The following ZMYM2 variants were observed in gnomAD, a reference collection of about 807,000 sequenced individuals.
The protein encoded by ZMYM2 is zinc finger MYM-type containing 2.
Under a neutral mutation model 162.8 loss-of-function variants are expected in ZMYM2, and 56 were observed. The observed-to-expected ratio is 0.34, with a 90% confidence interval of 0.28 to 0.43. The LOEUF (loss-of-function observed/expected upper bound fraction) is 0.43, where lower values mean the gene tolerates loss of function less well. ZMYM2 is among the 20% of genes least tolerant of loss of function. The probability of loss-of-function intolerance (pLI) is 1.00; values close to 1 mark genes in which losing one functional copy is unlikely to be tolerated. For synonymous variants in ZMYM2, 510 were observed against 541.6 expected (o/e 0.94, Z 0.81); for missense variants, 1,275 against 1,621.8 (o/e 0.79, Z 3.67).
intron 6 of ZMYM2, among the ~76,000 whole-genome samples, chr13:20,018,388 T>C (rs1392214129): frequency 6.6e-6 from 1 of 152,176 alleles, no homozygotes; most frequent in African/African-American, 2.4e-5. Context: ...GAGACCCAAT[T>C]GGATGTGTTT....
intron 12 of ZMYM2, among the ~76,000 whole-genome samples, 178 bp from the exon 13 acceptor site, chr13:20,051,255 A>ATT (rs1555319992): frequency 5.2e-5 from 7 of 133,804 alleles, no homozygotes; most frequent in African/African-American, 1.7e-4. Flanking sequence ...GTGAAATTGT[A>ATT]TTTTTTTTTT....
intron 2 of ZMYM2, among the ~76,000 whole-genome samples, chr13:19,962,903 C>T (rs1304616506): frequency 6.7e-6 from 1 of 148,762 alleles, no homozygotes; most frequent in Non-Finnish European, 1.5e-5. Flanking sequence ...CTCACTGCAG[C>T]CTCCGCCTCC....
Position 20,034,394 on chromosome 13 carries a change from C to T in ZMYM2, c.2109C>T (p.Phe703=), listed in dbSNP as rs1953488516. The change falls in exon 11 of 25, where the codon TTC becomes TTT. Residue 703 remains phenylalanine, a synonymous_variant. Transcript: ENST00000610343. ...ATTTCTCTGGCGTTAAGAGACCTTT[C>T]TGTAGTGAAGGCAAGTTGCATATAC... ...TVNFSGVKRP[F]CSEGCKLLYK... 6.3e-7 allele frequency: 1 copy of T among 1,589,584 alleles called. No homozygotes were observed. The highest frequency in any genetic ancestry group is 8.5e-7 in the Non-Finnish European group (1 of 1,171,216).
At chr13:20,065,775 C>G (rs1192178047) in intron 19 of ZMYM2, among the ~76,000 whole-genome samples, 1 of 152,148 alleles carries the variant, frequency 6.6e-6, no homozygotes, top group Non-Finnish European at 1.5e-5. Flanking sequence ...GACCTCTCCT[C>G]AAAACAGAAC....
At chr13:20,004,868 T>A (rs982940371) in intron 4 of ZMYM2, among the ~76,000 whole-genome samples, 1 of 152,178 alleles carries the variant, frequency 6.6e-6, no homozygotes, top group Non-Finnish European at 1.5e-5. Flanking sequence ...CGGCAAAGAT[T>A]TAATAGTATA....
intron 6 of ZMYM2, among the ~76,000 whole-genome samples, chr13:20,008,795 A>G (rs1594328743): frequency 6.6e-6 from 1 of 152,170 alleles, no homozygotes; most frequent in Non-Finnish European, 1.5e-5. Context: ...AAAAATGTCC[A>G]GAGGAAAATT....
chr13:20,055,512 G>T (rs1301653044), intron 14 of ZMYM2, among the ~76,000 whole-genome samples: 2 of 152,112 alleles, frequency 1.3e-5, no homozygotes, highest in African/African-American at 4.8e-5. Flanking sequence ...GTTTAGAAGG[G>T]CCAGCAAGTG....
chr13:19,904,395 A>G, the ZMYM2 span, among the ~76,000 whole-genome samples: 1 of 151,588 alleles, frequency 6.6e-6, no homozygotes, highest in Admixed American at 6.6e-5. Flanking sequence ...CGTCTCTACT[A>G]AAAATACAAA....
chr13:19,978,713 C>A (rs184585072), intron 2 of ZMYM2, among the ~76,000 whole-genome samples: 36 of 152,174 alleles, frequency 2.4e-4, no homozygotes, highest in Admixed American at 2.2e-3. Flanking sequence ...CCGTTCCCAG[C>A]CTAAAATTAC....
At chr13:19,868,517 G>A in the ZMYM2 span, among the ~76,000 whole-genome samples, 1 of 152,184 alleles carries the variant, frequency 6.6e-6, no homozygotes, top group African/African-American at 2.4e-5. Flanking sequence ...TTCTTTTAGT[G>A]GGACATAGTA....
intron 6 of ZMYM2, among the ~76,000 whole-genome samples, chr13:20,013,487 G>C (rs1024357635): frequency 6.6e-6 from 1 of 152,140 alleles, no homozygotes; most frequent in African/African-American, 2.4e-5. Context: ...AAATAGATGT[G>C]GTGAAAGTGG....
the ZMYM2 span, among the ~76,000 whole-genome samples, chr13:19,948,918 C>T: frequency 0.87 from 132,902 of 152,206 alleles, 59,067 homozygotes; most frequent in East Asian, 0.99. Flanking sequence ...TCCCCCCCTT[C>T]GTACTTTTCA....
chr13:19,922,228 T>C, the ZMYM2 span, among the ~76,000 whole-genome samples: 3 of 151,998 alleles, frequency 2.0e-5, no homozygotes, highest in East Asian at 5.8e-4. Context: ...GGTGGATTTT[T>C]AAAGGGGGAA....
intron 2 of ZMYM2, among the ~76,000 whole-genome samples, chr13:19,976,822 T>C (rs1956838593): frequency 6.6e-6 from 1 of 152,234 alleles, no homozygotes; most frequent in Admixed American, 6.5e-5. Context: ...TTCCATTTCC[T>C]TACTGATTTT....
the ZMYM2 span, among the ~76,000 whole-genome samples, chr13:19,938,713 C>T: frequency 6.6e-6 from 1 of 151,278 alleles, no homozygotes; most frequent in Non-Finnish European, 1.5e-5. Flanking sequence ...AGAGAGATCC[C>T]AAAATAGACC....
In ZMYM2 at chr13:20,086,106, T is replaced by G; in HGVS notation, c.*92T>G. Reference sequence around the variant, plus strand: ...ATGGAAAACATTTCAAGTTTACTCCTTCTGTTTTGAGTTTTGTAGCAGTGT... The same window carrying G: ...ATGGAAAACATTTCAAGTTTACTCCGTCTGTTTTGAGTTTTGTAGCAGTGT... On this transcript the variant is annotated 3_prime_UTR_variant, in exon 25 of 25. Transcript: ENST00000610343. 7.4e-7 allele frequency: 1 copy of G among 1,352,046 alleles called. No homozygotes were observed. The allele number at this position is 1,352,046 out of a possible 1,614,324, so 83.8% of individuals were successfully genotyped here.
At chr13:19,883,869 G>A in the ZMYM2 span, among the ~76,000 whole-genome samples, 4 of 152,128 alleles carry the variant, frequency 2.6e-5, no homozygotes, top group Admixed American at 6.6e-5. Flanking sequence ...TAACTCTCCT[G>A]CCTCCGCCTC....
At chr13:19,962,914 A>G (rs1313522107) in intron 2 of ZMYM2, among the ~76,000 whole-genome samples, 1 of 142,660 alleles carries the variant, frequency 7.0e-6, no homozygotes, top group South Asian at 2.2e-4. Flanking sequence ...CTCCGCCTCC[A>G]GGGTTCAAGC....
At chr13:19,953,947 T>G (rs1222940806), upstream of ZMYM2, among the ~76,000 whole-genome samples, 1 of 151,626 alleles carries the variant, frequency 6.6e-6, no homozygotes, top group Non-Finnish European at 1.5e-5. Context: ...AATATTAAAA[T>G]GCATCTAAGA....
Sources: allele counts gnomAD v4.1 joint callset (sites outside exome capture counted in the v4.1 genomes callset), GRCh38; gene constraint gnomAD v4.1.1; transcripts MANE v1.5; gene names NCBI Gene and HGNC (gene_info 2026-07-23, HGNC 2026-07-21).